The following CORO2A variants were observed in gnomAD, a reference collection of about 807,000 sequenced individuals.
CORO2A encodes the protein coronin-2A.
In CORO2A, 47 loss-of-function variants were observed where a neutral mutation model predicts 62.4. The observed-to-expected ratio is 0.75, with a 90% CI of 0.60 to 0.96. CORO2A has a LOEUF of 0.96. Ranked by LOEUF, CORO2A falls within the 40% of genes least tolerant of loss-of-function variation. The probability of loss-of-function intolerance (pLI) is 0.00; values close to 1 mark genes in which losing one functional copy is unlikely to be tolerated. For missense variants in CORO2A, 610 were observed against 684.1 expected (o/e 0.89, Z 1.21); for synonymous variants, 273 against 268.9 (o/e 1.02, Z -0.15).
intron 1 of CORO2A, among the ~76,000 whole-genome samples, chr9:98,162,623 T>C (rs1479174769): frequency 1.3e-5 from 2 of 152,338 alleles, no homozygotes; most frequent in Non-Finnish European, 2.9e-5. Flanking sequence ...TGGGTGAAGC[T>C]TGTGCATGCG....
At chr9:98,145,813 A>G (rs895793904) in intron 2 of CORO2A, among the ~76,000 whole-genome samples, 6 of 152,170 alleles carry the variant, frequency 3.9e-5, no homozygotes, top group Non-Finnish European at 7.4e-5. Flanking sequence ...CCCGGGTTCA[A>G]GTGATTCTCC....
chr9:98,128,974 C>T (rs1390181296), intron 8 of CORO2A, among the ~76,000 whole-genome samples: 1 of 152,188 alleles, frequency 6.6e-6, no homozygotes, highest in African/African-American at 2.4e-5. Flanking sequence ...ACTCTGTTGC[C>T]CAGGCTGGAG....
chr9:98,150,134 T>C (rs950511667), intron 2 of CORO2A, among the ~76,000 whole-genome samples: 3 of 152,130 alleles, frequency 2.0e-5, no homozygotes, highest in Non-Finnish European at 2.9e-5. Flanking sequence ...GGTTTCACCA[T>C]GTTGGCCAGG....
chr9:98,140,446 T>G (rs1021914741), intron 2 of CORO2A, among the ~76,000 whole-genome samples: 8 of 151,996 alleles, frequency 5.3e-5, no homozygotes, highest in Non-Finnish European at 8.8e-5. Flanking sequence ...GTACTTGTTT[T>G]TTTTTTTTTT....
At chr9:98,134,670 C>T in intron 4 of CORO2A, 136 bp downstream of exon 4, 1 of 1,023,306 alleles carries the variant, frequency 9.8e-7, no homozygotes, top group Non-Finnish European at 1.4e-6. Context: ...CCTAGGGCAT[C>T]TGGAGGGAGC....
intron 1 of CORO2A, among the ~76,000 whole-genome samples, chr9:98,177,467 T>TC (rs1467509803): frequency 7.3e-6 from 1 of 136,452 alleles, no homozygotes; most frequent in East Asian, 2.2e-4. Context: ...GTTTTTTTTT[T>TC]TTTTTTTTTT....
intron 1 of CORO2A, among the ~76,000 whole-genome samples, chr9:98,180,355 C>T (rs908767447): frequency 1.3e-5 from 2 of 152,128 alleles, no homozygotes; most frequent in Admixed American, 6.5e-5. Flanking sequence ...GAAGTGCTCC[C>T]TCTTCCAGGA....
At chr9:98,131,616 G>A (rs1207137521) in intron 6 of CORO2A, among the ~76,000 whole-genome samples, 1 of 151,924 alleles carries the variant, frequency 6.6e-6, no homozygotes, top group Non-Finnish European at 1.5e-5. Flanking sequence ...ACCATACCTG[G>A]CCATAACAAA....
intron 1 of CORO2A, among the ~76,000 whole-genome samples, chr9:98,189,457 G>T (rs557123732): frequency 6.6e-6 from 1 of 152,300 alleles, no homozygotes; most frequent in African/African-American, 2.4e-5. Context: ...AATAGCAAAG[G>T]TTTAAGGCTG....
At chr9:98,130,016 G>A in intron 7 of CORO2A, 126 bp from the exon 8 acceptor site, 1 of 648,212 alleles carries the variant, frequency 1.5e-6, no homozygotes, top group South Asian at 1.8e-5. Context: ...CTCACTCAAG[G>A]GAACACCAGG....
Position 98,149,510 on chromosome 9 carries a change from G to T in CORO2A, c.201+7950C>A, listed in dbSNP as rs188282259. 1.6e-3 allele frequency among the ~76,000 whole-genome samples: 237 copies of T among 152,376 alleles called. 1 individual carries two copies. Among genetic ancestry groups the T allele is most frequent in the African/African-American group, 5.7e-3 (236 of 41,592 alleles). On this transcript the variant is annotated intron_variant, in intron 2 of 11. Coordinates refer to ENST00000375077, the MANE Select transcript of CORO2A (RefSeq NM_052820.4). The stretch of plus-strand genomic sequence containing the variant: ...TTCTGCAGGAGGCAAAAGAAGCCTG[G>T]CACCAGCATCTGCTTCTGGTAAGGA...
At chr9:98,173,449 A>C (rs571866432) in intron 1 of CORO2A, among the ~76,000 whole-genome samples, 3 of 152,212 alleles carry the variant, frequency 2.0e-5, no homozygotes, top group Non-Finnish European at 4.4e-5. Context: ...AATAAGCAGC[A>C]GGAACTCCTG....
At chr9:98,164,616 G>A (rs938485568) in intron 1 of CORO2A, among the ~76,000 whole-genome samples, 11 of 152,348 alleles carry the variant, frequency 7.2e-5, no homozygotes, top group African/African-American at 2.6e-4. Flanking sequence ...ACTGGGCTCT[G>A]TGAATCTAAG....
Position 98,134,920 on chromosome 9 carries a change from G to C in CORO2A, c.354C>G (p.Thr118=), listed in dbSNP as rs1488926519. ...KIWSIPKQLL[T]RNLTAYRKEL... ...CCTTCCTGTAGGCCGTGAGGTTCCT[G>C]GTCAGCAGCTGCTTGGGGATGCTCC... is the stretch of plus-strand genomic sequence containing the variant. Residue 118 remains threonine (T), a synonymous_variant, in exon 4 of 12, where the codon ACC becomes ACG. Transcript: ENST00000375077. The C allele has an allele frequency of 6.2e-7, 1 of 1,614,046 alleles. No individual in the cohort carries two copies. Among genetic ancestry groups the C allele is most frequent in the Non-Finnish European group, 8.5e-7 (1 of 1,180,028 alleles).
At chr9:98,153,258 C>T (rs1360727167) in intron 2 of CORO2A, among the ~76,000 whole-genome samples, 2 of 152,032 alleles carry the variant, frequency 1.3e-5, no homozygotes, top group Non-Finnish European at 2.9e-5. Context: ...CGCTACCACA[C>T]CTGGCTAATT....
At chr9:98,140,536 T>C (rs1423633683) in intron 2 of CORO2A, among the ~76,000 whole-genome samples, 3 of 151,558 alleles carry the variant, frequency 2.0e-5, no homozygotes, top group African/African-American at 7.3e-5. Context: ...GAACTCGGGG[T>C]AAGACAATCT....
intron 2 of CORO2A, among the ~76,000 whole-genome samples, chr9:98,146,274 A>G (rs898165551): frequency 3.3e-5 from 5 of 152,174 alleles, no homozygotes; most frequent in African/African-American, 1.2e-4. Context: ...TCAGGAGCAC[A>G]GTCCTGGCCT....
rs920187956 is a variant in CORO2A at position 98,123,469 on chromosome 9, G to GCTTAGTC, written c.*1298_*1304dup. 3 of 151,448 alleles carry GCTTAGTC rather than the reference G, an allele frequency of 2.0e-5. No individual in the cohort carries two copies. The highest frequency in any genetic ancestry group is 2.4e-5 in the African/African-American group (1 of 41,198). 9.4% of individuals were successfully genotyped at this position (151,448 alleles called of 1,614,324 possible). A position where few individuals can be genotyped will look rare whatever the true frequency, so the allele number is the denominator to read the frequency against. Reference sequence around the variant, plus strand: ...TGGGGAAGGGAGACACAGCCTTCCTGCTTAGTCTTCCCCTATTCTCTCTCT... The same window carrying GCTTAGTC: ...TGGGGAAGGGAGACACAGCCTTCCTGCTTAGTCCTTAGTCTTCCCCTATTCTCTCTCT... On this transcript the variant is annotated 3_prime_UTR_variant, in exon 12 of 12. Coordinates refer to ENST00000375077, the MANE Select transcript of CORO2A (RefSeq NM_052820.4).
intron 2 of CORO2A, among the ~76,000 whole-genome samples, chr9:98,152,768 G>A (rs1827743613): frequency 6.6e-6 from 1 of 152,106 alleles, no homozygotes; most frequent in Admixed American, 6.6e-5. Context: ...TTCTAATAAT[G>A]AGGAAACAAT....
Sources: gnomAD v4.1 joint callset for allele counts (sites outside exome capture counted in the v4.1 genomes callset) on GRCh38, gnomAD v4.1.1 for gene constraint, MANE v1.5 for transcripts, NCBI Gene and HGNC (gene_info 2026-07-23, HGNC 2026-07-21) for gene names.